The following GPNMB variants were observed in gnomAD, a reference collection of about 807,000 sequenced individuals.
GPNMB encodes glycoprotein nmb.
In GPNMB, 71 loss-of-function variants were observed where a neutral mutation model predicts 57.3. The observed-to-expected ratio is 1.24, with a 90% CI of 1.02 to 1.51. The LOEUF (loss-of-function observed/expected upper bound fraction) is 1.51, where lower values mean the gene tolerates loss of function less well. Ranked by LOEUF, GPNMB falls within the 40% of genes most tolerant of loss-of-function variation. The pLI is 0.00. For synonymous variants in GPNMB, 253 were observed against 263.2 expected (o/e 0.96, Z 0.38); for missense variants, 677 against 691.9 (o/e 0.98, Z 0.24).
chr7:23,267,860 T>C, intron 7 of GPNMB, 26 bp from the exon 8 acceptor site: 1 of 1,424,062 alleles, frequency 7.0e-7, no homozygotes, highest in Non-Finnish European at 9.9e-7. Context: ...TTTTGATGTG[T>C]TTTTCTCTGG....
In GPNMB at chr7:23,263,979, C is replaced by G. The variant is rs1204871296; in HGVS notation, c.1019-2538C>G. Among the ~76,000 whole-genome samples the G allele has an allele frequency of 5.9e-5, 9 of 151,840 alleles. No individual in the cohort carries two copies. In the East Asian group the frequency reaches 1.5e-3, roughly 26 times the overall value. Reference sequence around the variant, plus strand: ...GGCAGAAGCCAGTTGAAGAGGTGACCCAGGTAGATGTGTTTAAATCTGAGG... The same window carrying G: ...GGCAGAAGCCAGTTGAAGAGGTGACGCAGGTAGATGTGTTTAAATCTGAGG... On this transcript the variant is annotated intron_variant, in intron 6 of 10. Coordinates refer to ENST00000258733, the MANE Select transcript of GPNMB (RefSeq NM_002510.3).
At chr7:23,262,641 C>A (rs1478700716) in intron 6 of GPNMB, among the ~76,000 whole-genome samples, 37 of 90,118 alleles carry the variant, frequency 4.1e-4, no homozygotes, top group African/African-American at 1.3e-3. Flanking sequence ...TTTTTTGAGA[C>A]AGCGTCTTGC....
chr7:23,268,514 G>T (rs1266200669), intron 8 of GPNMB, among the ~76,000 whole-genome samples: 1 of 152,060 alleles, frequency 6.6e-6, no homozygotes, highest in East Asian at 1.9e-4. Flanking sequence ...ATATAATTTG[G>T]TTTCCTATGA....
rs765304759 is a variant in GPNMB at position 23,270,009 on chromosome 7, C to T, written c.1263C>T (p.Cys421=). ...EVCTIISDPT[C]EITQNTVCSP... Reference sequence around the variant, plus strand: ...GTACCATCATTTCTGACCCCACCTGCGAGATCACCCAGAACACAGTCTGCA... The same window carrying T: ...GTACCATCATTTCTGACCCCACCTGTGAGATCACCCAGAACACAGTCTGCA... The change falls in exon 9 of 11, where the codon TGC becomes TGT. Residue 421 remains cysteine (C), a synonymous_variant. Transcript: ENST00000258733. 3.2e-5 allele frequency: 52 copies of T among 1,614,006 alleles called. No homozygotes were observed. Among genetic ancestry groups the T allele is most frequent in the South Asian group, 3.3e-5 (3 of 91,084 alleles).
intron 9 of GPNMB, among the ~76,000 whole-genome samples, chr7:23,272,884 CCCAGG>C (rs1783243767): frequency 6.7e-6 from 1 of 149,062 alleles, no homozygotes; most frequent in South Asian, 2.1e-4. Flanking sequence ...TGCTCTGTCA[CCCAGG>C]CTGCAGTGCA....
intron 2 of GPNMB, 62 bp downstream of exon 2, chr7:23,253,521 G>A: frequency 7.0e-7 from 1 of 1,418,458 alleles, no homozygotes; most frequent in Non-Finnish European, 9.8e-7. Context: ...CTTGTAGATG[G>A]TAAAGCCTTT....
At position 23,260,581 on chromosome 7, in the gene GPNMB, T is replaced by A. The variant is rs1259120845; in HGVS notation, c.826T>A (p.Tyr276Asn). The A allele has an allele frequency of 6.2e-7, 1 of 1,613,964 alleles. No homozygotes were observed. The highest frequency in any genetic ancestry group is 8.5e-7 in the Non-Finnish European group (1 of 1,179,848). Residue 276 changes from tyrosine to asparagine, a missense_variant, in exon 6 of 11, where the codon TAT (tyrosine) becomes AAT (asparagine). Coordinates refer to ENST00000258733, the MANE Select transcript of GPNMB (RefSeq NM_002510.3). Reference protein sequence around the residue: ...LIHDPSHFLNYSTINYKWSFG... With the variant: ...LIHDPSHFLNNSTINYKWSFG... Reference sequence around the variant, plus strand: ...TCATGATCCTAGCCACTTCCTCAATTATTCTACCATTAACTACAAGTGGAG... The same window carrying A: ...TCATGATCCTAGCCACTTCCTCAATAATTCTACCATTAACTACAAGTGGAG...
Position 23,274,064 on chromosome 7 carries a change from G to T in GPNMB, c.1524-1G>T, listed in dbSNP as rs1307988032. 1.3e-6 allele frequency: 2 copies of T among 1,592,484 alleles called. No homozygotes were observed. The highest frequency in any genetic ancestry group is 1.7e-6 in the Non-Finnish European group (2 of 1,172,710). Reference sequence around the variant, plus strand: ...ATAACTAACCAACAGATTGTTTTCAGAAAACACAAGGAATACAACCCAATA... The same window carrying T: ...ATAACTAACCAACAGATTGTTTTCATAAAACACAAGGAATACAACCCAATA... On this transcript the variant is annotated splice_acceptor_variant, in intron 10 of 10. Coordinates refer to ENST00000258733, the MANE Select transcript of GPNMB (RefSeq NM_002510.3). LOFTEE classifies it high-confidence loss of function.
intron 6 of GPNMB, among the ~76,000 whole-genome samples, chr7:23,265,387 G>T (rs182457600): frequency 8.5e-5 from 13 of 152,304 alleles, no homozygotes; most frequent in African/African-American, 2.6e-4. Context: ...TGTATTTTCA[G>T]TATCGTTATT....
chr7:23,266,189 T>G (rs1436125668), intron 6 of GPNMB: 1 of 260,952 alleles, frequency 3.8e-6, no homozygotes, highest in Non-Finnish European at 7.4e-6. Flanking sequence ...GACCTCATGA[T>G]CTGCCCCCCT....
At chr7:23,247,325 A>G (rs1370059217) in intron 1 of GPNMB, 1 of 226,310 alleles carries the variant, frequency 4.4e-6, no homozygotes, top group East Asian at 1.1e-4. Context: ...GGGGTCTCCA[A>G]TCTGGAGGCA....
chr7:23,263,855 A>G (rs969491478), intron 6 of GPNMB, among the ~76,000 whole-genome samples: 1 of 117,906 alleles, frequency 8.5e-6, no homozygotes, highest in Non-Finnish European at 1.7e-5. Context: ...CAAGTATTAT[A>G]TTATTGTTTG....
At chr7:23,269,509 C>T (rs1176007902) in intron 8 of GPNMB, among the ~76,000 whole-genome samples, 4 of 152,304 alleles carry the variant, frequency 2.6e-5, no homozygotes, top group Non-Finnish European at 4.4e-5. Context: ...ATTCAGTGCC[C>T]GGCACATAAT....
chr7:23,272,845 TC>T (rs1783242187), intron 9 of GPNMB, among the ~76,000 whole-genome samples: 1 of 149,222 alleles, frequency 6.7e-6, no homozygotes, highest in Admixed American at 6.6e-5. Flanking sequence ...AAGGTGGTGA[TC>T]TTTTTTTTTT....
Position 23,257,078 on chromosome 7 carries a change from A to C in GPNMB, c.541+13A>C. ...TTCCACACACTTGGTTGGCTTTTAC[A>C]AACCCCTAAGCTTCTTCTTTACCTT... On this transcript the variant is annotated intron_variant, in intron 4 of 10. Coordinates refer to ENST00000258733, the MANE Select transcript of GPNMB (RefSeq NM_002510.3). The C allele has an allele frequency of 1.2e-6, 2 of 1,607,918 alleles. No homozygotes were observed. Among genetic ancestry groups the C allele is most frequent in the Non-Finnish European group, 1.7e-6 (2 of 1,174,280 alleles).
intron 6 of GPNMB, among the ~76,000 whole-genome samples, chr7:23,261,128 C>T (rs1027064802): frequency 6.6e-6 from 1 of 152,158 alleles, no homozygotes; most frequent in Non-Finnish European, 1.5e-5. Context: ...GGCACACTGG[C>T]TCCTTATACG....
At chr7:23,260,310 A>T (rs1782885613) in intron 5 of GPNMB, 146 bp from the exon 6 acceptor site, 1 of 974,532 alleles carries the variant, frequency 1.0e-6, no homozygotes, top group Non-Finnish European at 1.5e-6. Flanking sequence ...AGCTTAGGGA[A>T]ACCCCAGAAA....
chr7:23,273,190 G>C (rs909700293), intron 9 of GPNMB: 4 of 223,638 alleles, frequency 1.8e-5, no homozygotes, highest in African/African-American at 9.2e-5. Context: ...AGTAGAGAGA[G>C]AGGAAGCTGG....
intron 6 of GPNMB, among the ~76,000 whole-genome samples, chr7:23,263,688 C>T (rs1487537873): frequency 6.6e-6 from 1 of 151,696 alleles, no homozygotes; most frequent in African/African-American, 2.4e-5. Context: ...GGAAAGCTGC[C>T]TGGCTTTATC....
Sources: allele counts gnomAD v4.1 joint callset (sites outside exome capture counted in the v4.1 genomes callset), GRCh38; gene constraint gnomAD v4.1.1; transcripts MANE v1.5; gene names NCBI Gene and HGNC (gene_info 2026-07-23, HGNC 2026-07-21).